The following GTF2A2 variants were observed in gnomAD, a reference collection of about 807,000 sequenced individuals.
GTF2A2 encodes transcription initiation factor IIA subunit 2.
Under a neutral mutation model 14.3 loss-of-function variants are expected in GTF2A2, and 9 were observed. The observed-to-expected ratio is 0.63, with a 90% confidence interval of 0.38 to 1.10. The LOEUF (loss-of-function observed/expected upper bound fraction) is 1.10, where lower values mean the gene tolerates loss of function less well. Among genes scored for constraint, GTF2A2 ranks in the 50% least tolerant of loss-of-function variants. The probability of loss-of-function intolerance (pLI) is 0.01; values close to 1 mark genes in which losing one functional copy is unlikely to be tolerated. For synonymous variants in GTF2A2, 56 were observed against 46.0 expected, an observed-to-expected ratio of 1.22 and a Z score of -0.88; for missense variants, 90 against 124.6, an observed-to-expected ratio of 0.72 and a Z score of 1.32.
intron 3 of GTF2A2, among the ~76,000 whole-genome samples, chr15:59,643,236 C>T (rs1027631783): frequency 2.6e-5 from 4 of 151,606 alleles, no homozygotes; most frequent in African/African-American, 4.9e-5. Context: ...TATGCCACCA[C>T]GCCTAGCTAA....
At chr15:59,649,740 G>A (rs1891733792) in intron 3 of GTF2A2, among the ~76,000 whole-genome samples, 1 of 151,990 alleles carries the variant, frequency 6.6e-6, no homozygotes, top group African/African-American at 2.4e-5. Context: ...AGTCAAATGG[G>A]GCTTTGTCTA....
At position 59,644,086 on chromosome 15, in the gene GTF2A2, G is replaced by T. The variant is rs568711937; in HGVS notation, c.178-1824C>A. On this transcript the variant is annotated intron_variant, in intron 3 of 4. Coordinates refer to ENST00000396060, the MANE Select transcript of GTF2A2 (RefSeq NM_004492.3). ...ATTTTTGTATTTTTAGTAGAGGCGG[G>T]GTTTTGCCATGTTGGCCAGGCTCGT... 5.5e-4 allele frequency among the ~76,000 whole-genome samples: 84 copies of T among 151,844 alleles called. 1 individual carries two copies. In the South Asian group the frequency reaches 0.017, roughly 30 times the overall value.
In GTF2A2 at chr15:59,643,210, G is replaced by A. The variant is rs1312550391; in HGVS notation, c.178-948C>T. 2.0e-5 allele frequency among the ~76,000 whole-genome samples: 3 copies of A among 150,410 alleles called. 1 individual carries two copies. Among genetic ancestry groups the A allele is most frequent in the Admixed American group, 6.7e-5 (1 of 14,894 alleles). On this transcript the variant is annotated intron_variant, in intron 3 of 4. Transcript: ENST00000396060. Reference sequence around the variant, plus strand: ...TTCTCCTGCCTCAGCCTCCTGAGTAGCTGGGATTGCAGGTGTATGCCACCA... The same window carrying A: ...TTCTCCTGCCTCAGCCTCCTGAGTAACTGGGATTGCAGGTGTATGCCACCA...
intron 4 of GTF2A2, among the ~76,000 whole-genome samples, chr15:59,639,785 G>C (rs1306001429): frequency 7.1e-6 from 1 of 141,256 alleles, no homozygotes; most frequent in African/African-American, 2.7e-5. Flanking sequence ...GAGTCACACT[G>C]TGTTGCCCAG....
chr15:59,645,348 C>A (rs1157749581), intron 3 of GTF2A2, among the ~76,000 whole-genome samples: 7 of 152,132 alleles, frequency 4.6e-5, no homozygotes, highest in African/African-American at 1.2e-4. Context: ...CGCTGTAACC[C>A]TAAGAAATAC....
Position 59,638,570 on chromosome 15 carries a change from T to G in GTF2A2, c.*562A>C, listed in dbSNP as rs1172806208. ...GGTCTAAGAAGGAAAGTTTTTTGGT[T>G]TTGTTTTTGCTATGATTGTCTAACT... On this transcript the variant is annotated 3_prime_UTR_variant, in exon 5 of 5. Transcript: ENST00000396060. The G allele has an allele frequency of 6.6e-6, 1 of 152,346 alleles. No homozygotes were observed. Among genetic ancestry groups the G allele is most frequent in the Non-Finnish European group, 1.5e-5 (1 of 68,168 alleles). The allele number at this position is 152,346 out of a possible 1,614,324, so 9.4% of individuals were successfully genotyped here. A position where few individuals can be genotyped will look rare whatever the true frequency, so the allele number is the denominator to read the frequency against.
At chr15:59,643,031 G>C (rs1891482759) in intron 3 of GTF2A2, among the ~76,000 whole-genome samples, 1 of 149,652 alleles carries the variant, frequency 6.7e-6, no homozygotes, top group Non-Finnish European at 1.5e-5. Flanking sequence ...CTCCCAAAGT[G>C]CTGGGATTAC....
chr15:59,644,815 AAAG>A (rs1436034628), intron 3 of GTF2A2, among the ~76,000 whole-genome samples: 5 of 152,228 alleles, frequency 3.3e-5, no homozygotes, highest in African/African-American at 1.2e-4. Context: ...GTCCTAAGAT[AAAG>A]GAGAACCTTG....
rs149837674 is a variant in GTF2A2 at position 59,638,518 on chromosome 15, T to G, written c.*614A>C. 6.6e-6 allele frequency: 1 copy of G among 152,350 alleles called. No individual in the cohort carries two copies. The highest frequency in any genetic ancestry group is 1.9e-4 in the East Asian group (1 of 5,186). 9.4% of individuals were successfully genotyped at this position (152,350 alleles called of 1,614,324 possible). ...ATGTGGGGGGACTATTTTGTTTGGG[T>G]TTTTTTCCCCCTTCCTCATGTTACC... On this transcript the variant is annotated 3_prime_UTR_variant, in exon 5 of 5. Transcript: ENST00000396060.
chr15:59,656,914 G>A (rs531168784), intron 1 of GTF2A2: 1 of 152,342 alleles, frequency 6.6e-6, no homozygotes, highest in South Asian at 2.1e-4. Context: ...CAGAAAATTA[G>A]AAGTCAAATT....
chr15:59,641,418 A>C (rs1349538648), intron 4 of GTF2A2, among the ~76,000 whole-genome samples: 4 of 152,170 alleles, frequency 2.6e-5, no homozygotes, highest in Non-Finnish European at 5.9e-5. Flanking sequence ...AAACAGGGAA[A>C]TGGAGGGGGT....
intron 2 of GTF2A2, chr15:59,651,506 GAATT>G (rs1891791838): frequency 6.6e-6 from 1 of 152,132 alleles, no homozygotes; most frequent in South Asian, 2.1e-4. Context: ...TTATTTGGGA[GAATT>G]ATACAGAAGG....
intron 3 of GTF2A2, among the ~76,000 whole-genome samples, chr15:59,646,852 T>A (rs1358456112): frequency 6.6e-6 from 1 of 152,018 alleles, no homozygotes; most frequent in Non-Finnish European, 1.5e-5. Flanking sequence ...TTAGAATAAT[T>A]TGAATTAGAA....
chr15:59,650,392 C>T (rs562358473), intron 3 of GTF2A2, among the ~76,000 whole-genome samples: 38 of 152,322 alleles, frequency 2.5e-4, no homozygotes, highest in African/African-American at 9.1e-4. Context: ...TGTTTGGAAT[C>T]TCAGTAACTC....
chr15:59,648,072 C>T (rs558292168), intron 3 of GTF2A2, among the ~76,000 whole-genome samples: 3 of 152,084 alleles, frequency 2.0e-5, no homozygotes, highest in South Asian at 4.1e-4. Flanking sequence ...TTACTTTTAT[C>T]TATGGGCATA....
At chr15:59,650,989 T>C (rs1891773724) in intron 2 of GTF2A2, among the ~76,000 whole-genome samples, 1 of 152,140 alleles carries the variant, frequency 6.6e-6, no homozygotes, top group South Asian at 2.1e-4. Flanking sequence ...AGAGAAAACA[T>C]GCAGTGATGT....
intron 4 of GTF2A2, among the ~76,000 whole-genome samples, chr15:59,641,698 G>GA (rs1891433967): frequency 6.6e-6 from 1 of 152,156 alleles, no homozygotes; most frequent in Non-Finnish European, 1.5e-5. Context: ...CAGATTAGAT[G>GA]AATATTTACC....
chr15:59,640,343 A>ATTATACACCAGTAT (rs1891369141), intron 4 of GTF2A2: 1 of 152,210 alleles, frequency 6.6e-6, no homozygotes, highest in Admixed American at 6.5e-5. Context: ...ATTCTTTGAT[A>ATTATACACCAGTAT]TTATACACCA....
intron 3 of GTF2A2, among the ~76,000 whole-genome samples, chr15:59,650,012 A>G (rs953053885): frequency 3.9e-5 from 6 of 152,238 alleles, no homozygotes; most frequent in Non-Finnish European, 7.3e-5. Context: ...AAACATCATC[A>G]TATATTATAT....
Sources: allele counts gnomAD v4.1 joint callset (sites outside exome capture counted in the v4.1 genomes callset), GRCh38; gene constraint gnomAD v4.1.1; transcripts MANE v1.5; gene names NCBI Gene and HGNC (gene_info 2026-07-23, HGNC 2026-07-21).